DCDC1: variants seen among roughly 807,000 people sequenced by gnomAD.
DCDC1 encodes the protein doublecortin domain-containing protein 1.
Under a neutral mutation model 178.3 loss-of-function variants are expected in DCDC1, and 200 were observed. That is an observed-to-expected ratio of 1.12 (90% confidence interval 1.00 to 1.26). The LOEUF is 1.26. Among genes scored for constraint, DCDC1 ranks in the 50% most tolerant of loss-of-function variants. The pLI is 0.00. For missense variants in DCDC1, 1,983 were observed against 1,749.2 expected, an observed-to-expected ratio of 1.13 and a Z score of -2.38; for synonymous variants, 690 against 604.8, an observed-to-expected ratio of 1.14 and a Z score of -2.07.
At chr11:30,931,578 G>T (rs1011275793) in intron 22 of DCDC1, among the ~76,000 whole-genome samples, 193 bp downstream of exon 22, 1 of 151,976 alleles carries the variant, frequency 6.6e-6, no homozygotes, top group African/African-American at 2.4e-5. Flanking sequence ...TTCTAAATTA[G>T]CAGAGTTCAA....
At chr11:31,173,908 G>A (rs1376431614) in intron 9 of DCDC1, among the ~76,000 whole-genome samples, 1 of 152,092 alleles carries the variant, frequency 6.6e-6, no homozygotes, top group African/African-American at 2.4e-5. Context: ...TGAGAGTGGC[G>A]GCCTGTCTAG....
intron 9 of DCDC1, among the ~76,000 whole-genome samples, chr11:31,205,892 A>G (rs1971808318): frequency 6.6e-6 from 1 of 152,222 alleles, no homozygotes; most frequent in Non-Finnish European, 1.5e-5. Flanking sequence ...CGGCTGCCCT[A>G]TAATTTATCT....
intron 9 of DCDC1, among the ~76,000 whole-genome samples, chr11:31,228,234 G>A (rs951167535): frequency 1.3e-5 from 2 of 151,976 alleles, no homozygotes; most frequent in African/African-American, 4.8e-5. Flanking sequence ...TATGTTATCT[G>A]ACCACAATGG....
At chr11:31,174,809 C>A (rs944736785) in intron 9 of DCDC1, among the ~76,000 whole-genome samples, 6 of 152,192 alleles carry the variant, frequency 3.9e-5, no homozygotes, top group Admixed American at 6.5e-5. Context: ...GAACACTCAT[C>A]AGGACACCCT....
chr11:31,217,017 C>G (rs1242915072), intron 9 of DCDC1, among the ~76,000 whole-genome samples: 1 of 152,056 alleles, frequency 6.6e-6, no homozygotes, highest in Non-Finnish European at 1.5e-5. Flanking sequence ...CTCTTAGAAA[C>G]AACATTACAA....
At chr11:31,253,508 A>G (rs550207070) in intron 8 of DCDC1, among the ~76,000 whole-genome samples, 55 of 152,280 alleles carry the variant, frequency 3.6e-4, no homozygotes, top group South Asian at 1.4e-3. Flanking sequence ...TAAGAATGAT[A>G]CACAAAACAG....
chr11:31,333,398 T>C (rs537467368), intron 2 of DCDC1, among the ~76,000 whole-genome samples: 42 of 152,314 alleles, frequency 2.8e-4, no homozygotes, highest in African/African-American at 8.9e-4. Flanking sequence ...AATATTGTTA[T>C]GTGTGAATTT....
intron 20 of DCDC1, among the ~76,000 whole-genome samples, chr11:31,016,348 T>G (rs1033967021): frequency 6.6e-6 from 1 of 152,218 alleles, no homozygotes; most frequent in Non-Finnish European, 1.5e-5. Flanking sequence ...ACCTTAAGGC[T>G]GCCATGAAAT....
At chr11:31,350,971 ATTGT>A (rs1182281139) in intron 1 of DCDC1, among the ~76,000 whole-genome samples, 5 of 152,060 alleles carry the variant, frequency 3.3e-5, no homozygotes, top group East Asian at 1.9e-4. Context: ...ATTTGATTGA[ATTGT>A]TTATGTTTTA....
chr11:31,305,526 A>G, intron 6 of DCDC1, 89 bp downstream of exon 6: 1 of 1,504,824 alleles, frequency 6.6e-7, no homozygotes. Context: ...AAACCATGCA[A>G]AAAAGACAGG....
At position 31,290,652 on chromosome 11, in the gene DCDC1, T is replaced by TC. The variant is rs1269651280; in HGVS notation, c.954dup (p.Lys319GlufsTer22). The TC allele has an allele frequency of 7.5e-6, 12 of 1,599,142 alleles. No individual in the cohort carries two copies. The highest frequency in any genetic ancestry group is 1.0e-5 in the Non-Finnish European group (12 of 1,176,144). ...AATATTTAATTAAAAATTACCTTTT[T>TC]CATTGTTTCTTTTCCCACTGTAATC... is the stretch of plus-strand genomic sequence containing the variant. On this transcript the variant is annotated frameshift_variant, in exon 7 of 39. Transcript: ENST00000684477. LOFTEE classifies it high-confidence loss of function.
chr11:30,898,365 T>C (rs1386889366), intron 34 of DCDC1, among the ~76,000 whole-genome samples: 2 of 152,132 alleles, frequency 1.3e-5, no homozygotes, highest in Non-Finnish European at 2.9e-5. Flanking sequence ...CCAAGGAATA[T>C]ATAGATGATG....
intron 9 of DCDC1, among the ~76,000 whole-genome samples, chr11:31,194,892 A>G (rs191892432): frequency 6.6e-6 from 1 of 152,216 alleles, no homozygotes; most frequent in East Asian, 1.9e-4. Context: ...TTTACTGAGT[A>G]TCATGTGTTC....
chr11:31,366,237 T>A, intron 1 of DCDC1, among the ~76,000 whole-genome samples: 1 of 152,218 alleles, frequency 6.6e-6, no homozygotes, highest in East Asian at 1.9e-4. Flanking sequence ...GATACTAACA[T>A]AGTTTATATT....
chr11:30,875,690 T>C (rs1310690975), intron 38 of DCDC1, among the ~76,000 whole-genome samples: 1 of 152,114 alleles, frequency 6.6e-6, no homozygotes, highest in African/African-American at 2.4e-5. Context: ...AAAGAGAATA[T>C]ATTTATATTT....
intron 9 of DCDC1, among the ~76,000 whole-genome samples, chr11:31,239,568 C>A (rs1336280064): frequency 6.6e-6 from 1 of 151,518 alleles, no homozygotes; most frequent in Admixed American, 6.6e-5. Flanking sequence ...TTTATATTTC[C>A]AAATAAAACT....
At chr11:31,284,327 C>G (rs957026824) in intron 7 of DCDC1, among the ~76,000 whole-genome samples, 1 of 152,070 alleles carries the variant, frequency 6.6e-6, no homozygotes, top group Non-Finnish European at 1.5e-5. Flanking sequence ...ATAGTACTAG[C>G]TATTTCACTT....
intron 7 of DCDC1, among the ~76,000 whole-genome samples, chr11:31,276,553 A>G (rs1191485144): frequency 6.6e-6 from 1 of 152,154 alleles, no homozygotes; most frequent in Non-Finnish European, 1.5e-5. Context: ...AATGCCATGC[A>G]TAAGTCTCTG....
chr11:31,176,459 G>A (rs773267912), intron 9 of DCDC1, among the ~76,000 whole-genome samples: 10 of 152,070 alleles, frequency 6.6e-5, no homozygotes, highest in African/African-American at 1.7e-4. Context: ...AAGATATGGA[G>A]AAAAGCAAAG....
Sources: gnomAD v4.1 joint callset for allele counts (sites outside exome capture counted in the v4.1 genomes callset) on GRCh38, gnomAD v4.1.1 for gene constraint, MANE v1.5 for transcripts, NCBI Gene and HGNC (gene_info 2026-07-23, HGNC 2026-07-21) for gene names.